DGKB: variants seen among roughly 807,000 people sequenced by gnomAD.
DGKB encodes the protein diacylglycerol kinase beta.
In DGKB, 67 loss-of-function variants were observed where a neutral mutation model predicts 114.3. The observed-to-expected ratio is 0.59, with a 90% CI of 0.48 to 0.72. DGKB has a LOEUF of 0.72. Among genes scored for constraint, DGKB ranks in the 30% least tolerant of loss-of-function variants. The probability of loss-of-function intolerance (pLI) is 0.00; values close to 1 mark genes in which losing one functional copy is unlikely to be tolerated. For synonymous variants in DGKB, 398 were observed against 323.1 expected, an observed-to-expected ratio of 1.23 and a Z score of -2.49; for missense variants, 907 against 975.2, an observed-to-expected ratio of 0.93 and a Z score of 0.93.
chr7:14,714,695 C>G (rs148107157), intron 6 of DGKB, among the ~76,000 whole-genome samples: 20 of 152,230 alleles, frequency 1.3e-4, no homozygotes, highest in African/African-American at 4.8e-4. Context: ...TGAAGGCCAG[C>G]TGAGGTTTTG....
chr7:14,352,791 C>T lies in DGKB; in HGVS notation c.1836-7400G>A, dbSNP rs145856825. On this transcript the variant is annotated intron_variant, in intron 21 of 25. Coordinates refer to ENST00000402815, the MANE Select transcript of DGKB (RefSeq NM_001350709.2). Reference sequence around the variant, plus strand: ...TACAAAAATTAGCCCAGCGTGGTGGCGCGTGCCTATAATCCCAGCTACTCG... The same window carrying T: ...TACAAAAATTAGCCCAGCGTGGTGGTGCGTGCCTATAATCCCAGCTACTCG... Among the ~76,000 whole-genome samples, 1,019 of 151,994 alleles carry T rather than the reference C, an allele frequency of 6.7e-3. 15 individuals are homozygous for T. Among genetic ancestry groups the T allele is most frequent in the East Asian group, 0.037 (189 of 5,134 alleles).
At chr7:14,397,038 T>A (rs550275949) in intron 21 of DGKB, among the ~76,000 whole-genome samples, 4 of 152,212 alleles carry the variant, frequency 2.6e-5, no homozygotes, top group African/African-American at 9.6e-5. Flanking sequence ...TTTCAAGCTT[T>A]CTGGGAGAGA....
At chr7:14,363,524 G>A (rs1277075810) in intron 21 of DGKB, among the ~76,000 whole-genome samples, 1 of 152,072 alleles carries the variant, frequency 6.6e-6, no homozygotes, top group African/African-American at 2.4e-5. Context: ...GAAAGCAGCA[G>A]ATACCAGAAA....
intron 1 of DGKB, among the ~76,000 whole-genome samples, chr7:14,868,228 G>GGTACA (rs964416039): frequency 3.3e-5 from 5 of 152,036 alleles, no homozygotes; most frequent in African/African-American, 1.2e-4. Flanking sequence ...CAGCAGCTAT[G>GGTACA]GTACACATTC....
At chr7:14,638,960 C>T (rs985592224) in intron 13 of DGKB, among the ~76,000 whole-genome samples, 1 of 152,062 alleles carries the variant, frequency 6.6e-6, no homozygotes, top group Non-Finnish European at 1.5e-5. Flanking sequence ...ATCGCTTGAA[C>T]CCGGGAGGTG....
At chr7:14,796,506 T>C (rs544344386) in intron 2 of DGKB, among the ~76,000 whole-genome samples, 7 of 152,216 alleles carry the variant, frequency 4.6e-5, no homozygotes, top group Non-Finnish European at 1.0e-4. Flanking sequence ...TGAAAAATTG[T>C]AATCAGAGAT....
intron 20 of DGKB, among the ~76,000 whole-genome samples, chr7:14,479,754 C>A (rs1782714573): frequency 1.3e-5 from 2 of 151,988 alleles, no homozygotes; most frequent in Admixed American, 6.6e-5. Flanking sequence ...AGGAAAAACA[C>A]CTGAACTGGG....
intron 23 of DGKB, among the ~76,000 whole-genome samples, chr7:14,229,692 T>G (rs1298389509): frequency 6.6e-6 from 1 of 151,988 alleles, no homozygotes; most frequent in African/African-American, 2.4e-5. Flanking sequence ...GATATTGTTT[T>G]TTCAACAATT....
chr7:14,364,334 T>C (rs1816274283), intron 21 of DGKB, among the ~76,000 whole-genome samples: 1 of 149,774 alleles, frequency 6.7e-6, no homozygotes, highest in South Asian at 2.1e-4. Context: ...GTGACCAAAA[T>C]GAGGAGGCAT....
chr7:14,436,609 C>A (rs1376122097), intron 21 of DGKB, among the ~76,000 whole-genome samples: 6 of 152,056 alleles, frequency 3.9e-5, no homozygotes, highest in Admixed American at 3.9e-4. Context: ...CAAAATGCAG[C>A]ATTTTGTTTT....
chr7:14,331,562 T>C (rs1043917311), intron 23 of DGKB, among the ~76,000 whole-genome samples: 1 of 151,980 alleles, frequency 6.6e-6, no homozygotes, highest in African/African-American at 2.4e-5. Context: ...AACCTTCAAA[T>C]AAGAATAACT....
At chr7:14,704,388 C>T (rs1383112593) in intron 6 of DGKB, among the ~76,000 whole-genome samples, 2 of 143,286 alleles carry the variant, frequency 1.4e-5, no homozygotes, top group African/African-American at 5.3e-5. Context: ...GCGGAGCTTG[C>T]AGTGAGCCGA....
intron 2 of DGKB, among the ~76,000 whole-genome samples, chr7:14,761,142 A>G (rs1835630133): frequency 6.6e-6 from 1 of 152,066 alleles, no homozygotes; most frequent in African/African-American, 2.4e-5. Context: ...CCACTTTACA[A>G]TCTAGTTTGG....
chr7:14,893,336 G>A (rs955628695), intron 1 of DGKB, among the ~76,000 whole-genome samples: 2 of 151,380 alleles, frequency 1.3e-5, no homozygotes, highest in African/African-American at 4.8e-5. Context: ...TGATTACTTT[G>A]TCATCCTTAA....
intron 1 of DGKB, among the ~76,000 whole-genome samples, chr7:14,874,013 A>AT (rs768303417): frequency 6.6e-6 from 1 of 152,110 alleles, no homozygotes. Flanking sequence ...ATTTTAAAAC[A>AT]TTTTTAGTAA....
At chr7:14,809,424 A>G (rs1182592012) in intron 2 of DGKB, among the ~76,000 whole-genome samples, 1 of 152,088 alleles carries the variant, frequency 6.6e-6, no homozygotes, top group Non-Finnish European at 1.5e-5. Context: ...TAAAGACTTC[A>G]AGTTCAAGTG....
At chr7:14,403,688 T>C (rs1183654943) in intron 21 of DGKB, among the ~76,000 whole-genome samples, 2 of 152,016 alleles carry the variant, frequency 1.3e-5, no homozygotes, top group Non-Finnish European at 2.9e-5. Context: ...AAACTTCTTA[T>C]GTAAAAACCT....
chr7:14,773,794 T>C (rs773274178), intron 2 of DGKB, among the ~76,000 whole-genome samples: 5 of 152,082 alleles, frequency 3.3e-5, no homozygotes, highest in Non-Finnish European at 7.4e-5. Context: ...AATAAATATA[T>C]ATATATACTT....
chr7:14,206,156 G>T (rs531167360), intron 23 of DGKB, among the ~76,000 whole-genome samples: 1 of 152,100 alleles, frequency 6.6e-6, no homozygotes, highest in African/African-American at 2.4e-5. Context: ...TCTATACTAA[G>T]AAAGACTGTA....
Sources: allele counts gnomAD v4.1 joint callset (sites outside exome capture counted in the v4.1 genomes callset), GRCh38; gene constraint gnomAD v4.1.1; transcripts MANE v1.5; gene names NCBI Gene and HGNC (gene_info 2026-07-23, HGNC 2026-07-21).